Variants in RNF11 observed in about 807,000 individuals in gnomAD.
RNF11 encodes ring finger protein 11.
Under a neutral mutation model 15.8 loss-of-function variants are expected in RNF11, and 4 were observed. The ratio of observed to expected loss-of-function variants is 0.25; its 90% confidence interval spans 0.12 to 0.58. The LOEUF (loss-of-function observed/expected upper bound fraction) is 0.58. Ranked by LOEUF, RNF11 falls within the 20% of genes least tolerant of loss-of-function variation. The pLI, the probability that RNF11 is intolerant of heterozygous loss-of-function variation, is 0.91. For missense variants in RNF11, 139 were observed against 194.4 expected (o/e 0.71, Z 1.70); for synonymous variants, 68 against 72.3 (o/e 0.94, Z 0.30).
chr1:51,269,918 A>G, intron 1 of RNF11, 38 bp from the exon 2 acceptor site: 2 of 1,569,526 alleles, frequency 1.3e-6, no homozygotes, highest in Non-Finnish European at 1.7e-6. Context: ...AAAGGTTTTT[A>G]AAAAATAATC....
intron 2 of RNF11, among the ~76,000 whole-genome samples, chr1:51,270,642 T>C (rs1557683684): frequency 1.3e-5 from 2 of 152,314 alleles, no homozygotes; most frequent in South Asian, 4.1e-4. Flanking sequence ...AGTGTTTCTG[T>C]TTTTACAGTT....
intron 1 of RNF11, among the ~76,000 whole-genome samples, chr1:51,259,429 A>G (rs527307410): frequency 1.1e-4 from 16 of 152,232 alleles, no homozygotes; most frequent in Non-Finnish European, 1.9e-4. Flanking sequence ...AGGCGTGGAA[A>G]TATTTAGCAC....
At position 51,251,447 on chromosome 1, in the gene RNF11, C is replaced by G. The variant is rs569504510; in HGVS notation, c.123+14568C>G. 169 of 759,306 alleles carry G rather than the reference C, an allele frequency of 2.2e-4. No homozygotes were observed. The East Asian group carries it at 3.0e-3, about 13-fold the overall frequency. The allele number at this position is 759,306 out of a possible 1,614,324, so 47.0% of individuals were successfully genotyped here. On this transcript the variant is annotated intron_variant, in intron 1 of 2. Coordinates refer to ENST00000242719, the MANE Select transcript of RNF11 (RefSeq NM_014372.5). ...CCATCCCAGGGCCTCCGGGCCCCCC[C>G]CCGCTGCACTGGTGTCATCCACCAT...
At chr1:51,257,848 CTTTTCT>C (rs1311424958) in intron 1 of RNF11, among the ~76,000 whole-genome samples, 9 of 84,930 alleles carry the variant, frequency 1.1e-4, no homozygotes, top group African/African-American at 2.7e-4. Flanking sequence ...CTTTTCTTTT[CTTTTCT>C]TTTTTTTTTT....
In RNF11 at chr1:51,251,478, G is replaced by C. The variant is rs1417267603; in HGVS notation, c.123+14599G>C. On this transcript the variant is annotated intron_variant, in intron 1 of 2. Coordinates refer to ENST00000242719, the MANE Select transcript of RNF11 (RefSeq NM_014372.5). ...GCACTGGTGTCATCCACCATTTGGTGTTTTCTCGGAGAAGAAAGGATTTGT... is the reference window on the plus strand; with the variant it reads ...GCACTGGTGTCATCCACCATTTGGTCTTTTCTCGGAGAAGAAAGGATTTGT... 4.9e-6 allele frequency: 3 copies of C among 615,694 alleles called. No homozygotes were observed. The Admixed American group carries it at 9.3e-5, about 19-fold the overall frequency. 38.1% of individuals were successfully genotyped at this position (615,694 alleles called of 1,614,324 possible).
intron 1 of RNF11, among the ~76,000 whole-genome samples, chr1:51,264,293 T>TATAA (rs1646944866): frequency 1.3e-5 from 1 of 77,658 alleles, no homozygotes; most frequent in African/African-American, 6.5e-5. Flanking sequence ...AAAAAATATA[T>TATAA]ATATATATAT....
At chr1:51,248,702 A>G (rs1473114433) in intron 1 of RNF11, among the ~76,000 whole-genome samples, 1 of 152,192 alleles carries the variant, frequency 6.6e-6, no homozygotes, top group African/African-American at 2.4e-5. Flanking sequence ...GTGATAGGGC[A>G]GTGAATCACA....
intron 1 of RNF11, among the ~76,000 whole-genome samples, chr1:51,243,135 T>G (rs936748836): frequency 1.4e-4 from 21 of 152,150 alleles, no homozygotes; most frequent in Admixed American, 1.4e-3. Flanking sequence ...TAGCTTTTGT[T>G]GCTTTAACAG....
intron 1 of RNF11, among the ~76,000 whole-genome samples, chr1:51,262,101 C>T (rs1468885715): frequency 3.3e-5 from 5 of 152,096 alleles, no homozygotes; most frequent in African/African-American, 9.7e-5. Context: ...GTGATCCACC[C>T]GCCTTGGCCT....
intron 1 of RNF11, among the ~76,000 whole-genome samples, chr1:51,267,317 G>A (rs1225970193): frequency 1.3e-5 from 2 of 152,180 alleles, no homozygotes; most frequent in East Asian, 1.9e-4. Context: ...TAAAGTGGGA[G>A]CACAACCTAG....
chr1:51,236,932 T>C lies in RNF11; in HGVS notation c.123+53T>C, dbSNP rs1569645216. 9 of 1,557,250 alleles carry C rather than the reference T, an allele frequency of 5.8e-6. No individual in the cohort carries two copies. The South Asian group carries it at 9.5e-5, about 16-fold the overall frequency. On this transcript the variant is annotated intron_variant, in intron 1 of 2. Transcript: ENST00000242719. ...CGAGTAGAGGCAGCTCTGGCGGAGATTGAGGGGGCTTCGGGGCCGTCTCTG... is the reference window on the plus strand; with the variant it reads ...CGAGTAGAGGCAGCTCTGGCGGAGACTGAGGGGGCTTCGGGGCCGTCTCTG...
chr1:51,265,654 G>A (rs922710111), intron 1 of RNF11, among the ~76,000 whole-genome samples: 2 of 152,132 alleles, frequency 1.3e-5, no homozygotes, highest in African/African-American at 2.4e-5. Flanking sequence ...AATCAACAAC[G>A]AGGAAATGGT....
intron 1 of RNF11, among the ~76,000 whole-genome samples, chr1:51,262,010 A>C (rs1646932697): frequency 6.6e-6 from 1 of 151,610 alleles, no homozygotes; most frequent in African/African-American, 2.4e-5. Flanking sequence ...ACATACCACC[A>C]CCCCCAGCTA....
chr1:51,239,153 C>A (rs891407900), intron 1 of RNF11, among the ~76,000 whole-genome samples: 2 of 152,150 alleles, frequency 1.3e-5, no homozygotes, highest in Non-Finnish European at 2.9e-5. Flanking sequence ...CAAGCAAATT[C>A]TCCTGCCTCC....
intron 2 of RNF11, 128 bp downstream of exon 2, chr1:51,270,253 G>GA: frequency 4.5e-6 from 3 of 671,468 alleles, no homozygotes; most frequent in Non-Finnish European, 5.0e-6. Context: ...TAATGCAAGA[G>GA]AATGTTTAAT....
intron 1 of RNF11, among the ~76,000 whole-genome samples, chr1:51,256,042 A>C (rs1646902757): frequency 6.6e-6 from 1 of 152,102 alleles, no homozygotes; most frequent in Admixed American, 6.5e-5. Flanking sequence ...AATTTTTTTT[A>C]ATGAACCCAC....
At chr1:51,260,522 A>G (rs1416361182) in intron 1 of RNF11, among the ~76,000 whole-genome samples, 1 of 152,102 alleles carries the variant, frequency 6.6e-6, no homozygotes, top group Non-Finnish European at 1.5e-5. Flanking sequence ...TTCTGAGCAC[A>G]TTGTCATTTT....
intron 1 of RNF11, among the ~76,000 whole-genome samples, chr1:51,243,709 GA>G (rs1295130170): frequency 6.6e-6 from 1 of 152,218 alleles, no homozygotes; most frequent in Non-Finnish European, 1.5e-5. Flanking sequence ...TAAGAGCTGG[GA>G]TTACAGGCGT....
chr1:51,241,308 A>T (rs1209178452), intron 1 of RNF11, among the ~76,000 whole-genome samples: 1 of 152,196 alleles, frequency 6.6e-6, no homozygotes, highest in Non-Finnish European at 1.5e-5. Flanking sequence ...TGTGTTGCCC[A>T]GGCTGGAGGG....
Sources: gnomAD v4.1 joint callset for allele counts (sites outside exome capture counted in the v4.1 genomes callset) on GRCh38, gnomAD v4.1.1 for gene constraint, MANE v1.5 for transcripts, NCBI Gene and HGNC (gene_info 2026-07-23, HGNC 2026-07-21) for gene names.